Variants in DCLK2 observed in about 807,000 individuals in gnomAD.
The protein encoded by DCLK2 is serine/threonine-protein kinase DCLK2.
Under a neutral mutation model 78.4 loss-of-function variants are expected in DCLK2, and 31 were observed. The observed-to-expected ratio is 0.40, with a 90% confidence interval of 0.30 to 0.53. DCLK2 has a LOEUF of 0.53. DCLK2 is among the 20% of genes least tolerant of loss of function. The pLI, the probability that DCLK2 is intolerant of heterozygous loss-of-function variation, is 0.61. For missense variants in DCLK2, 872 were observed against 973.7 expected (o/e 0.90, Z 1.39); for synonymous variants, 407 against 374.9 (o/e 1.09, Z -0.99).
chr4:150,198,775 T>C (rs541415389), intron 4 of DCLK2, among the ~76,000 whole-genome samples: 1 of 152,282 alleles, frequency 6.6e-6, no homozygotes, highest in Non-Finnish European at 1.5e-5. Flanking sequence ...GAAAGAATTG[T>C]GAAAAACCAT....
chr4:150,104,543 A>G (rs1308649013), intron 2 of DCLK2, among the ~76,000 whole-genome samples: 1 of 152,104 alleles, frequency 6.6e-6, no homozygotes, highest in Non-Finnish European at 1.5e-5. Context: ...ACTAAAGCAC[A>G]TGCAACTAAA....
intron 15 of DCLK2, chr4:150,254,405 G>T: frequency 2.5e-6 from 1 of 399,064 alleles, no homozygotes; most frequent in Non-Finnish European, 4.4e-6. Context: ...CCCGCCGCCT[G>T]CATTGCTTCC....
Position 150,175,022 on chromosome 4 carries a change from A to ATATATTTATATATT in DCLK2, c.757-18111_757-18110insTTATATATTTATAT, listed in dbSNP as rs1736871168. ...CAAAAAAAAAAAAAAATATATATATATATATATATATTTATATATATTTAT... is the reference window on the plus strand; with the variant it reads ...CAAAAAAAAAAAAAAATATATATATATATATTTATATATTTATATATATATTTATATATATTTAT... On this transcript the variant is annotated intron_variant, in intron 2 of 15. Transcript: ENST00000296550. 4.2e-5 allele frequency among the ~76,000 whole-genome samples: 2 copies of ATATATTTATATATT among 47,092 alleles called. 1 individual carries two copies. Among genetic ancestry groups the ATATATTTATATATT allele is most frequent in the Admixed American group, 7.0e-4 (2 of 2,874 alleles). 30.9% of individuals were successfully genotyped at this position (47,092 alleles called of 152,430 possible).
At position 150,134,900 on chromosome 4, in the gene DCLK2, G is replaced by A. The variant is rs567915607; in HGVS notation, c.756+32088G>A. Among the ~76,000 whole-genome samples, 17 of 152,008 alleles carry A rather than the reference G, an allele frequency of 1.1e-4. No homozygotes were observed. The South Asian group carries it at 1.7e-3, about 15-fold the overall frequency. ...TTGCAGTGTTCCATTTCACTGAGAC[G>A]GGGTGAACAATTACCTCCCTCTCCC... is the stretch of plus-strand genomic sequence containing the variant. On this transcript the variant is annotated intron_variant, in intron 2 of 15. Coordinates refer to ENST00000296550, the MANE Select transcript of DCLK2 (RefSeq NM_001040260.4).
chr4:150,084,475 C>A (rs1481478237), intron 1 of DCLK2, among the ~76,000 whole-genome samples: 1 of 152,074 alleles, frequency 6.6e-6, no homozygotes, highest in Non-Finnish European at 1.5e-5. Context: ...TCTGGTTGTC[C>A]CATCTCATTT....
At chr4:150,166,871 T>C (rs1736126435) in intron 2 of DCLK2, among the ~76,000 whole-genome samples, 1 of 152,216 alleles carries the variant, frequency 6.6e-6, no homozygotes, top group Non-Finnish European at 1.5e-5. Flanking sequence ...CAGATCCTTC[T>C]GAATGGCAGG....
rs1489437156 is a variant in DCLK2 at position 150,249,650 on chromosome 4, A to G, written c.2039A>G (p.Gln680Arg). Reference protein sequence around the residue: ...KQHFNNALPKQNSTTTGVSVI... With the variant: ...KQHFNNALPKRNSTTTGVSVI... ...CACTTTAATAATGCGCTCCCCAAACAGAACAGCACTACCACCGGGGTCTCC... is the reference window on the plus strand; with the variant it reads ...CACTTTAATAATGCGCTCCCCAAACGGAACAGCACTACCACCGGGGTCTCC... The change falls in exon 15 of 16, where the codon CAG becomes CGG. Residue 680 changes from glutamine (Q) to arginine (R), a missense_variant. Gln to Arg is a conservative substitution (Grantham distance 43). This residue lies in a region of DCLK2 where 219 missense variants were observed against 230.1 expected (regional missense o/e 0.95). Transcript: ENST00000296550. 6.2e-7 allele frequency: 1 copy of G among 1,613,762 alleles called. No individual in the cohort carries two copies. The highest frequency in any genetic ancestry group is 8.5e-7 in the Non-Finnish European group (1 of 1,179,966).
chr4:150,223,738 T>A (rs910027279), intron 7 of DCLK2, among the ~76,000 whole-genome samples: 1 of 135,820 alleles, frequency 7.4e-6, no homozygotes, highest in Non-Finnish European at 1.6e-5. Flanking sequence ...AGCAAGACTC[T>A]CTCTCAATAA....
At chr4:150,150,946 C>T (rs1325288048) in intron 2 of DCLK2, among the ~76,000 whole-genome samples, 5 of 152,234 alleles carry the variant, frequency 3.3e-5, no homozygotes, top group South Asian at 4.1e-4. Context: ...GTGACTGTGG[C>T]TACACAGTCC....
At chr4:150,248,450 A>G (rs920997113) in intron 14 of DCLK2, 65 bp downstream of exon 14, 17 of 1,357,458 alleles carry the variant, frequency 1.3e-5, no homozygotes, top group Admixed American at 1.7e-5. Context: ...ACGGTTCCTC[A>G]CTGTGATGTT....
At position 150,193,236 on chromosome 4, in the gene DCLK2, T is replaced by C. The variant is rs144381965; in HGVS notation, c.855T>C (p.His285=). 4 of 1,597,048 alleles carry C rather than the reference T, an allele frequency of 2.5e-6. No homozygotes were observed. The African/African-American group carries it at 4.0e-5, about 16-fold the overall frequency. ...CCCAAGATGACTTTGTCCTGGATCATAGTGGTAAGGCAATTCTTCAGCTAA... is the reference window on the plus strand; with the variant it reads ...CCCAAGATGACTTTGTCCTGGATCACAGTGGTAAGGCAATTCTTCAGCTAA... ...RYAQDDFVLD[H]SECRVLKSSY... The change falls in exon 3 of 16, where the codon CAT becomes CAC. Residue 285 remains histidine, a synonymous_variant. Coordinates refer to ENST00000296550, the MANE Select transcript of DCLK2 (RefSeq NM_001040260.4).
At chr4:150,103,047 A>T (rs1730997533) in intron 2 of DCLK2, among the ~76,000 whole-genome samples, 1 of 152,192 alleles carries the variant, frequency 6.6e-6, no homozygotes, top group African/African-American at 2.4e-5. Flanking sequence ...GAAGTCTATC[A>T]TATACTTCTT....
intron 2 of DCLK2, among the ~76,000 whole-genome samples, chr4:150,138,930 C>T (rs1301415528): frequency 6.6e-6 from 1 of 151,854 alleles, no homozygotes; most frequent in Non-Finnish European, 1.5e-5. Context: ...TCCCAAAGTG[C>T]TGGGATTACA....
chr4:150,230,773 G>C (rs1424831815), intron 8 of DCLK2, among the ~76,000 whole-genome samples: 3 of 152,194 alleles, frequency 2.0e-5, no homozygotes, highest in Non-Finnish European at 4.4e-5. Context: ...GGCTCTGTCT[G>C]CTGCTCTGTA....
chr4:150,145,949 G>T (rs748877476), intron 2 of DCLK2, among the ~76,000 whole-genome samples: 2 of 152,186 alleles, frequency 1.3e-5, no homozygotes, highest in Non-Finnish European at 2.9e-5. Flanking sequence ...AAACACTGCT[G>T]ATTCTGAAGA....
chr4:150,214,207 C>G (rs1580729591), intron 5 of DCLK2, among the ~76,000 whole-genome samples: 1 of 152,250 alleles, frequency 6.6e-6, no homozygotes, highest in East Asian at 1.9e-4. Flanking sequence ...AAAATTGCTG[C>G]CAGAAACTTC....
intron 14 of DCLK2, among the ~76,000 whole-genome samples, chr4:150,249,049 C>T (rs575259067): frequency 1.3e-5 from 2 of 152,276 alleles, no homozygotes; most frequent in South Asian, 4.2e-4. Flanking sequence ...TCCAATGCCC[C>T]ACCCACCCAC....
chr4:150,093,641 C>A (rs1189068121), intron 1 of DCLK2, among the ~76,000 whole-genome samples: 1 of 152,220 alleles, frequency 6.6e-6, no homozygotes, highest in African/African-American at 2.4e-5. Flanking sequence ...CTTGGGCTCC[C>A]AAAGTGCTGG....
intron 12 of DCLK2, among the ~76,000 whole-genome samples, chr4:150,240,763 GAAAA>G (rs1378802395): frequency 1.6e-5 from 1 of 62,072 alleles, no homozygotes; most frequent in South Asian, 8.6e-4. Flanking sequence ...AAAAAAAAAA[GAAAA>G]AGAAAAAAAA....
Sources: allele counts gnomAD v4.1 joint callset (sites outside exome capture counted in the v4.1 genomes callset), GRCh38; gene constraint gnomAD v4.1.1; regional missense constraint gnomAD v4.1.1; transcripts MANE v1.5; gene names NCBI Gene and HGNC (gene_info 2026-07-23, HGNC 2026-07-21).